ITGA9: variants seen among roughly 807,000 people sequenced by gnomAD.
ITGA9 encodes integrin alpha-9.
Under a neutral mutation model 127.8 loss-of-function variants are expected in ITGA9, and 56 were observed. The ratio of observed to expected loss-of-function variants is 0.44; its 90% confidence interval spans 0.35 to 0.55. The LOEUF is 0.55. ITGA9 is among the 20% of genes least tolerant of loss of function. The pLI, the probability that ITGA9 is intolerant of heterozygous loss-of-function variation, is 0.00. For missense variants in ITGA9, 1,196 were observed against 1,347.1 expected (o/e 0.89, Z 1.76); for synonymous variants, 508 against 514.5 (o/e 0.99, Z 0.17).
intron 18 of ITGA9, among the ~76,000 whole-genome samples, chr3:37,717,873 G>A (rs1270259980): frequency 6.6e-6 from 1 of 152,194 alleles, no homozygotes; most frequent in Non-Finnish European, 1.5e-5. Flanking sequence ...AGACTTTTTA[G>A]TTAGTTGAAA....
intron 15 of ITGA9, among the ~76,000 whole-genome samples, chr3:37,600,649 C>T (rs1227427313): frequency 6.6e-6 from 1 of 152,130 alleles, no homozygotes; most frequent in Non-Finnish European, 1.5e-5. Context: ...GGATGCCTCC[C>T]TTCCCTTCAT....
intron 17 of ITGA9, among the ~76,000 whole-genome samples, chr3:37,668,650 T>C (rs1700608053): frequency 6.6e-6 from 1 of 152,182 alleles, no homozygotes; most frequent in African/African-American, 2.4e-5. Context: ...CAAGCCAAAT[T>C]CTGAAGCAGC....
At chr3:37,525,703 A>G (rs1474920918) in intron 12 of ITGA9, among the ~76,000 whole-genome samples, 4 of 152,240 alleles carry the variant, frequency 2.6e-5, no homozygotes, top group African/African-American at 9.6e-5. Context: ...ATTTCAACAT[A>G]TAATCAATAT....
chr3:37,794,166 C>T (rs927618805), intron 26 of ITGA9, among the ~76,000 whole-genome samples: 1 of 152,200 alleles, frequency 6.6e-6, no homozygotes, highest in Non-Finnish European at 1.5e-5. Context: ...TCTGACATCA[C>T]CCCTGTGAAC....
At chr3:37,803,095 A>G (rs1697253496) in intron 26 of ITGA9, among the ~76,000 whole-genome samples, 1 of 152,176 alleles carries the variant, frequency 6.6e-6, no homozygotes, top group Admixed American at 6.5e-5. Flanking sequence ...TAATTCCTCT[A>G]AGTGACACAT....
At chr3:37,649,200 C>T (rs1700407420) in intron 16 of ITGA9, among the ~76,000 whole-genome samples, 1 of 150,258 alleles carries the variant, frequency 6.7e-6, no homozygotes, top group Non-Finnish European at 1.5e-5. Flanking sequence ...AAAATAGTCA[C>T]CAAAATGGCA....
intron 5 of ITGA9, 144 bp downstream of exon 5, chr3:37,494,712 G>C (rs1698709119): frequency 2.7e-6 from 2 of 739,220 alleles, no homozygotes; most frequent in Non-Finnish European, 4.9e-6. Context: ...CCTCACACCA[G>C]AGGAGGCTAT....
intron 15 of ITGA9, among the ~76,000 whole-genome samples, chr3:37,573,581 G>A (rs540661881): frequency 6.6e-6 from 1 of 151,724 alleles, no homozygotes; most frequent in South Asian, 2.1e-4. Flanking sequence ...GAACACCTAC[G>A]TGTGGCCTCT....
intron 23 of ITGA9, among the ~76,000 whole-genome samples, chr3:37,772,988 T>C (rs1696862491): frequency 6.6e-6 from 1 of 152,202 alleles, no homozygotes; most frequent in Admixed American, 6.5e-5. Flanking sequence ...CTCTGCCCCT[T>C]GGGGTTGACA....
chr3:37,472,258 G>T (rs1183510957), intron 2 of ITGA9, among the ~76,000 whole-genome samples: 1 of 152,206 alleles, frequency 6.6e-6, no homozygotes, highest in Non-Finnish European at 1.5e-5. Context: ...AGAAGATTAA[G>T]TGAGATAATA....
intron 1 of ITGA9, among the ~76,000 whole-genome samples, chr3:37,460,055 T>A (rs1255341154): frequency 6.6e-6 from 1 of 152,178 alleles, no homozygotes; most frequent in Non-Finnish European, 1.5e-5. Context: ...GATGGAGTAC[T>A]CTGCAATATT....
At chr3:37,650,165 C>T (rs1167276752) in intron 16 of ITGA9, among the ~76,000 whole-genome samples, 1 of 152,092 alleles carries the variant, frequency 6.6e-6, no homozygotes, top group Non-Finnish European at 1.5e-5. Context: ...ACAAATGCCC[C>T]AAGAAAATTA....
chr3:37,740,836 T>C lies in ITGA9; in HGVS notation c.2235-894T>C, dbSNP rs187391026. ...TGCTTTCTCACCCGGAGGCCTTATG[T>C]GGATGTATTTTAGAATCACCTGGGG... On this transcript the variant is annotated intron_variant, in intron 20 of 27. Coordinates refer to ENST00000264741, the MANE Select transcript of ITGA9 (RefSeq NM_002207.3). 5.9e-5 allele frequency among the ~76,000 whole-genome samples: 9 copies of C among 152,294 alleles called. No homozygotes were observed. The East Asian group carries it at 1.5e-3, about 26-fold the overall frequency.
intron 17 of ITGA9, among the ~76,000 whole-genome samples, chr3:37,677,708 A>G (rs1700696349): frequency 6.6e-6 from 1 of 152,238 alleles, no homozygotes; most frequent in African/African-American, 2.4e-5. Flanking sequence ...GCCTTGGGGA[A>G]GTCATTTAAC....
At chr3:37,549,229 G>T (rs1699356714) in intron 15 of ITGA9, among the ~76,000 whole-genome samples, 1 of 152,178 alleles carries the variant, frequency 6.6e-6, no homozygotes, top group Non-Finnish European at 1.5e-5. Context: ...GATGAGCACT[G>T]TTTGGCCATT....
intron 18 of ITGA9, among the ~76,000 whole-genome samples, chr3:37,688,364 G>A (rs1312251209): frequency 6.6e-6 from 1 of 152,080 alleles, no homozygotes; most frequent in Non-Finnish European, 1.5e-5. Context: ...AGCATAGAAT[G>A]AAGCAAAACA....
At chr3:37,638,818 G>A (rs575530360) in intron 16 of ITGA9, among the ~76,000 whole-genome samples, 1 of 152,334 alleles carries the variant, frequency 6.6e-6, no homozygotes, top group East Asian at 1.9e-4. Flanking sequence ...CAGACTGTGT[G>A]TGTAACATGG....
At chr3:37,794,996 C>G (rs1170239915) in intron 26 of ITGA9, among the ~76,000 whole-genome samples, 1 of 152,228 alleles carries the variant, frequency 6.6e-6, no homozygotes, top group Admixed American at 6.5e-5. Flanking sequence ...CCCAACCACC[C>G]TGTCTCCCTC....
chr3:37,474,238 G>A (rs1463418555), intron 3 of ITGA9, among the ~76,000 whole-genome samples: 2 of 152,290 alleles, frequency 1.3e-5, no homozygotes, highest in East Asian at 3.9e-4. Context: ...GTGCAGTAAG[G>A]TGGCCACCAG....
Sources: gnomAD v4.1 joint callset for allele counts (sites outside exome capture counted in the v4.1 genomes callset) on GRCh38, gnomAD v4.1.1 for gene constraint, MANE v1.5 for transcripts, NCBI Gene and HGNC (gene_info 2026-07-23, HGNC 2026-07-21) for gene names.